The following DAB1 variants were observed in gnomAD, a reference collection of about 807,000 sequenced individuals.
DAB1 encodes the protein DAB adaptor protein 1.
Under a neutral mutation model 64.6 loss-of-function variants are expected in DAB1, and 15 were observed. The ratio of observed to expected loss-of-function variants is 0.23; its 90% CI spans 0.16 to 0.36. DAB1 has a LOEUF of 0.36. DAB1 is among the 10% of genes least tolerant of loss of function. The pLI is 1.00. For missense variants in DAB1, 596 were observed against 706.7 expected (o/e 0.84, Z 1.78); for synonymous variants, 235 against 251.9 (o/e 0.93, Z 0.64).
At chr1:57,226,860 C>T (rs1667306725) in intron 2 of DAB1, among the ~76,000 whole-genome samples, 1 of 151,796 alleles carries the variant, frequency 6.6e-6, no homozygotes, top group Admixed American at 6.6e-5. Context: ...ACCCATCCTG[C>T]CATGAAACCA....
At chr1:58,540,666 G>A (rs114895296) in intron 1 of DAB1, among the ~76,000 whole-genome samples, 321 of 149,220 alleles carry the variant, frequency 2.2e-3, no homozygotes, top group African/African-American at 7.6e-3. Context: ...CTTTGAAGAC[G>A]TATCAATAGA....
chr1:57,527,565 T>C (rs988377053), intron 7 of DAB1, among the ~76,000 whole-genome samples: 23 of 152,204 alleles, frequency 1.5e-4, no homozygotes, highest in Non-Finnish European at 2.1e-4. Context: ...TGAAGCACTC[T>C]GCCTCCTACT....
At chr1:58,475,182 G>A (rs900258127) in intron 3 of DAB1, among the ~76,000 whole-genome samples, 6 of 152,166 alleles carry the variant, frequency 3.9e-5, no homozygotes, top group African/African-American at 9.7e-5. Flanking sequence ...TTGAAACTGA[G>A]TCTTGCTCTG....
intron 1 of DAB1, among the ~76,000 whole-genome samples, chr1:57,337,264 T>C (rs578181853): frequency 6.6e-6 from 1 of 152,366 alleles, no homozygotes; most frequent in South Asian, 2.1e-4. Context: ...GATTCTTTTA[T>C]GATATTATAA....
At chr1:57,663,575 A>AT (rs1361343443) in intron 6 of DAB1, among the ~76,000 whole-genome samples, 2 of 152,054 alleles carry the variant, frequency 1.3e-5, no homozygotes, top group East Asian at 3.9e-4. Flanking sequence ...TTAATTACAA[A>AT]TTTTAAATTG....
At chr1:58,456,366 TG>T (rs912376372) in intron 3 of DAB1, among the ~76,000 whole-genome samples, 1 of 152,162 alleles carries the variant, frequency 6.6e-6, no homozygotes, top group African/African-American at 2.4e-5. Flanking sequence ...CCGATTTGTC[TG>T]GGGGGAGGGT....
intron 7 of DAB1, among the ~76,000 whole-genome samples, chr1:57,463,855 C>T (rs1449374050): frequency 6.6e-6 from 1 of 152,122 alleles, no homozygotes; most frequent in Non-Finnish European, 1.5e-5. Flanking sequence ...ATAAATAAGA[C>T]ACGGCACTTG....
intron 3 of DAB1, among the ~76,000 whole-genome samples, chr1:58,437,000 G>A (rs1644952390): frequency 1.3e-5 from 2 of 152,166 alleles, no homozygotes; most frequent in African/African-American, 4.8e-5. Context: ...CTTGGTCTCT[G>A]GGACCTCGAC....
intron 7 of DAB1, among the ~76,000 whole-genome samples, chr1:57,455,287 T>A (rs1003676297): frequency 6.6e-6 from 1 of 152,158 alleles, no homozygotes; most frequent in Non-Finnish European, 1.5e-5. Context: ...ATAGATCAGG[T>A]GCTGTGCTTG....
intron 9 of DAB1, among the ~76,000 whole-genome samples, chr1:57,054,639 G>A (rs938319871): frequency 4.6e-5 from 7 of 151,854 alleles, no homozygotes; most frequent in African/African-American, 1.2e-4. Context: ...CACCACGCCC[G>A]GCTAATTTTT....
chr1:57,110,371 A>T (rs1244440544), intron 4 of DAB1, among the ~76,000 whole-genome samples: 1 of 152,160 alleles, frequency 6.6e-6, no homozygotes, highest in Non-Finnish European at 1.5e-5. Flanking sequence ...GCAACCGGAC[A>T]CTGTTTTCAG....
chr1:57,654,929 TATATA>T (rs1558579846), intron 6 of DAB1, among the ~76,000 whole-genome samples: 2 of 152,222 alleles, frequency 1.3e-5, no homozygotes, highest in African/African-American at 4.8e-5. Context: ...TGGTACTATT[TATATA>T]ATATAAAGTC....
intron 4 of DAB1, among the ~76,000 whole-genome samples, chr1:57,133,291 G>T (rs1431832465): frequency 6.6e-6 from 1 of 152,130 alleles, no homozygotes; most frequent in Non-Finnish European, 1.5e-5. Flanking sequence ...ATATAAAGTT[G>T]TAATAATTCT....
intron 4 of DAB1, among the ~76,000 whole-genome samples, chr1:58,292,748 T>A (rs1661875945): frequency 6.6e-6 from 1 of 152,126 alleles, no homozygotes; most frequent in Admixed American, 6.6e-5. Flanking sequence ...GTGGAGAAAG[T>A]CCCCAGAGAT....
intron 4 of DAB1, among the ~76,000 whole-genome samples, chr1:58,218,835 C>T (rs1042583396): frequency 3.9e-5 from 6 of 152,194 alleles, no homozygotes; most frequent in Non-Finnish European, 7.3e-5. Context: ...TCCTGAGACA[C>T]ACATCCACAC....
intron 5 of DAB1, among the ~76,000 whole-genome samples, chr1:58,097,666 A>T (rs1651067299): frequency 6.6e-6 from 1 of 152,208 alleles, no homozygotes. Flanking sequence ...GGAAGTGTTC[A>T]GGGAACCACA....
At chr1:58,506,926 G>C (rs1157993860) in intron 2 of DAB1, among the ~76,000 whole-genome samples, 2 of 151,804 alleles carry the variant, frequency 1.3e-5, no homozygotes, top group Non-Finnish European at 2.9e-5. Context: ...AATATATGTA[G>C]ATCTTGTGTA....
chr1:58,138,885 T>C (rs931060258), intron 5 of DAB1, among the ~76,000 whole-genome samples: 16 of 152,168 alleles, frequency 1.1e-4, no homozygotes, highest in Admixed American at 1.3e-4. Context: ...ACTAAAAAAA[T>C]TGATGAGTGG....
chr1:57,388,797 C>G (rs904915942), intron 1 of DAB1, among the ~76,000 whole-genome samples: 3 of 151,962 alleles, frequency 2.0e-5, no homozygotes, highest in African/African-American at 7.3e-5. Flanking sequence ...TACTTTATCA[C>G]TCTCCTACTC....
Sources: gnomAD v4.1 joint callset for allele counts (sites outside exome capture counted in the v4.1 genomes callset) on GRCh38, gnomAD v4.1.1 for gene constraint, MANE v1.5 for transcripts, NCBI Gene and HGNC (gene_info 2026-07-23, HGNC 2026-07-21) for gene names.